The following FHIT variants were observed in gnomAD, a reference collection of about 807,000 sequenced individuals.
FHIT encodes the protein bis(5'-adenosyl)-triphosphatase.
Under a neutral mutation model 17.9 loss-of-function variants are expected in FHIT, and 19 were observed. The observed-to-expected ratio is 1.06, with a 90% CI of 0.74 to 1.56. FHIT has a LOEUF of 1.56. FHIT is among the 40% of genes most tolerant of loss of function. The probability of loss-of-function intolerance (pLI) is 0.00; values close to 1 mark genes in which losing one functional copy is unlikely to be tolerated. For missense variants in FHIT, 248 were observed against 189.2 expected (o/e 1.31, Z -1.82); for synonymous variants, 81 against 69.7 (o/e 1.16, Z -0.81).
chr3:60,926,424 A>G (rs1368710959), intron 3 of FHIT, among the ~76,000 whole-genome samples: 2 of 152,232 alleles, frequency 1.3e-5, no homozygotes, highest in African/African-American at 4.8e-5. Flanking sequence ...ACACAACTAC[A>G]TGGAAACTGA....
chr3:60,719,225 A>G (rs1381131240), intron 4 of FHIT, among the ~76,000 whole-genome samples: 2 of 152,200 alleles, frequency 1.3e-5, no homozygotes, highest in Non-Finnish European at 2.9e-5. Context: ...ATGATCTAAT[A>G]AACCATCTCT....
rs141896179 is a variant in FHIT at position 60,316,440 on chromosome 3, C to A, written c.103+220420G>T. On this transcript the variant is annotated intron_variant, in intron 5 of 9. Transcript: ENST00000492590. ...TAGGTTGAAAATTAAAGCCTTAGAG[C>A]CTATTCATTAAGCATTTAGGACAAG... Among the ~76,000 whole-genome samples the A allele has an allele frequency of 3.6e-3, 555 of 152,182 alleles. 4 individuals carry two copies. The highest frequency in any genetic ancestry group is 0.013 in the African/African-American group (532 of 41,512).
intron 3 of FHIT, among the ~76,000 whole-genome samples, chr3:60,870,457 G>A (rs6785095): frequency 0.21 from 32,248 of 152,026 alleles, 3,668 homozygotes; most frequent in Middle Eastern, 0.28. Context: ...CTAATGTAGG[G>A]ACACGGCACC....
intron 4 of FHIT, among the ~76,000 whole-genome samples, chr3:60,770,507 A>G (rs536186499): frequency 6.6e-6 from 1 of 152,278 alleles, no homozygotes; most frequent in Non-Finnish European, 1.5e-5. Flanking sequence ...TTCACTGTGG[A>G]AGTGAGCAAT....
intron 5 of FHIT, among the ~76,000 whole-genome samples, chr3:60,196,151 A>T (rs1424742083): frequency 6.6e-6 from 1 of 152,184 alleles, no homozygotes; most frequent in Non-Finnish European, 1.5e-5. Context: ...TTGAAACAAC[A>T]CATATTTATC....
chr3:60,772,314 C>CTATATATATATATATATATATATA (rs61056807), intron 4 of FHIT, among the ~76,000 whole-genome samples: 2 of 143,328 alleles, frequency 1.4e-5, no homozygotes, highest in African/African-American at 2.6e-5. Context: ...CACTTCTCAT[C>CTATATATATATATATATATATATA]TATATATATA....
chr3:60,218,131 T>A, intron 5 of FHIT, among the ~76,000 whole-genome samples: 1 of 152,102 alleles, frequency 6.6e-6, no homozygotes, highest in Non-Finnish European at 1.5e-5. Context: ...TTTAACAACA[T>A]AAACAAAACT....
intron 2 of FHIT, among the ~76,000 whole-genome samples, chr3:61,092,847 T>G (rs553446936): frequency 6.6e-6 from 1 of 152,270 alleles, no homozygotes; most frequent in African/African-American, 2.4e-5. Flanking sequence ...GTAAGAATAA[T>G]AAAAATAAAT....
chr3:61,150,539 T>C (rs1432599369), intron 2 of FHIT, among the ~76,000 whole-genome samples: 1 of 152,132 alleles, frequency 6.6e-6, no homozygotes, highest in Non-Finnish European at 1.5e-5. Flanking sequence ...GCCCACATGA[T>C]GAAAAATGAT....
intron 4 of FHIT, among the ~76,000 whole-genome samples, chr3:60,799,807 C>G (rs1701123684): frequency 6.6e-6 from 1 of 152,198 alleles, no homozygotes; most frequent in Admixed American, 6.5e-5. Context: ...ATTTCCTTCA[C>G]AGCCATAGGA....
chr3:60,183,709 C>G (rs1270513102), intron 5 of FHIT, among the ~76,000 whole-genome samples: 3 of 152,162 alleles, frequency 2.0e-5, no homozygotes, highest in Admixed American at 1.3e-4. Flanking sequence ...CCCAGAATCC[C>G]TTTAAAACCA....
chr3:59,901,504 C>T (rs1254252084), intron 8 of FHIT, among the ~76,000 whole-genome samples: 2 of 152,098 alleles, frequency 1.3e-5, no homozygotes, highest in African/African-American at 4.8e-5. Flanking sequence ...TACAAATGAC[C>T]AAGGGGCATG....
chr3:60,007,481 G>C (rs1196650832), intron 7 of FHIT, among the ~76,000 whole-genome samples: 1 of 152,134 alleles, frequency 6.6e-6, no homozygotes, highest in East Asian at 1.9e-4. Flanking sequence ...AACAAGCAAA[G>C]TTCCATTATC....
intron 3 of FHIT, among the ~76,000 whole-genome samples, chr3:60,924,657 T>C (rs1305212035): frequency 1.3e-5 from 2 of 152,124 alleles, no homozygotes; most frequent in African/African-American, 2.4e-5. Context: ...GCGCCTCTCC[T>C]CCTCGAAAGG....
intron 5 of FHIT, among the ~76,000 whole-genome samples, chr3:60,154,396 A>T (rs978778142): frequency 2.0e-5 from 3 of 152,180 alleles, no homozygotes; most frequent in African/African-American, 7.2e-5. Context: ...CTGCTTTAGA[A>T]ATCAGTCATG....
chr3:59,924,427 A>G (rs1705554895), intron 7 of FHIT, among the ~76,000 whole-genome samples: 1 of 152,184 alleles, frequency 6.6e-6, no homozygotes, highest in Non-Finnish European at 1.5e-5. Flanking sequence ...GACCTACCAC[A>G]AACTAACTGT....
At chr3:60,581,954 C>T (rs998599273) in intron 4 of FHIT, among the ~76,000 whole-genome samples, 2 of 151,846 alleles carry the variant, frequency 1.3e-5, no homozygotes, top group Non-Finnish European at 1.5e-5. Context: ...GATGCTGCAC[C>T]GATGCACACT....
chr3:60,672,532 G>T (rs1395397835), intron 4 of FHIT, among the ~76,000 whole-genome samples: 1 of 152,194 alleles, frequency 6.6e-6, no homozygotes, highest in African/African-American at 2.4e-5. Flanking sequence ...AATGTCATCA[G>T]TTAAGGTGAG....
At chr3:60,400,620 T>C (rs1167286759) in intron 5 of FHIT, among the ~76,000 whole-genome samples, 2 of 151,906 alleles carry the variant, frequency 1.3e-5, no homozygotes, top group East Asian at 1.9e-4. Flanking sequence ...GAAGCAGGAA[T>C]CCAGAGCAAG....
Sources: allele counts gnomAD v4.1 joint callset (sites outside exome capture counted in the v4.1 genomes callset), GRCh38; gene constraint gnomAD v4.1.1; transcripts MANE v1.5; gene names NCBI Gene and HGNC (gene_info 2026-07-23, HGNC 2026-07-21).